The following NBAS variants were observed in gnomAD, a reference collection of about 807,000 sequenced individuals.
NBAS encodes the protein NBAS subunit of NRZ tethering complex.
A neutral mutation model predicts 302.5 loss-of-function variants in NBAS; 219 were observed. The ratio of observed to expected loss-of-function variants is 0.72; its 90% CI spans 0.65 to 0.81. The LOEUF (loss-of-function observed/expected upper bound fraction) is 0.81. Among genes scored for constraint, NBAS ranks in the 30% least tolerant of loss-of-function variants. NBAS has a pLI of 0.00. For synonymous variants in NBAS, 1,118 were observed against 1,021.6 expected, an observed-to-expected ratio of 1.09 and a Z score of -1.80; for missense variants, 2,932 against 2,841.6, an observed-to-expected ratio of 1.03 and a Z score of -0.72.
At chr2:14,868,295 G>A in the NBAS span, among the ~76,000 whole-genome samples, 9 of 152,028 alleles carry the variant, frequency 5.9e-5, no homozygotes, top group East Asian at 1.9e-4. Context: ...TTGCTGCTTC[G>A]GGGCACCTTG....
At chr2:15,352,622 G>A (rs536226127) in intron 34 of NBAS, among the ~76,000 whole-genome samples, 5 of 152,210 alleles carry the variant, frequency 3.3e-5, no homozygotes, top group African/African-American at 7.2e-5. Flanking sequence ...TTGTGCACAC[G>A]TGCAATGGCC....
the NBAS span, among the ~76,000 whole-genome samples, chr2:15,092,256 C>T: frequency 6.6e-6 from 1 of 152,082 alleles, no homozygotes; most frequent in Non-Finnish European, 1.5e-5. Context: ...ATAGGAACAC[C>T]CAGTTTCCAT....
chr2:15,457,389 C>T (rs1679294754), intron 21 of NBAS, among the ~76,000 whole-genome samples: 1 of 152,182 alleles, frequency 6.6e-6, no homozygotes, highest in African/African-American at 2.4e-5. Context: ...GAATAAGGCA[C>T]ACACATGGAA....
chr2:15,445,015 G>A (rs1388045311), intron 21 of NBAS, among the ~76,000 whole-genome samples: 1 of 150,524 alleles, frequency 6.6e-6, no homozygotes, highest in African/African-American at 2.4e-5. Context: ...ACAGGTGCTG[G>A]AGAGGAGGTG....
At chr2:14,862,348 ACCTCGTGATCCACCTG>A in the NBAS span, among the ~76,000 whole-genome samples, 2 of 151,976 alleles carry the variant, frequency 1.3e-5, no homozygotes, top group African/African-American at 4.8e-5. Flanking sequence ...CGAACTCCTG[ACCTCGTGATCCACCTG>A]CCTCAACCTC....
intron 47 of NBAS, among the ~76,000 whole-genome samples, chr2:15,224,938 C>T (rs183607667): frequency 1.3e-5 from 2 of 152,076 alleles, no homozygotes; most frequent in Non-Finnish European, 2.9e-5. Flanking sequence ...ATGAAACAAT[C>T]GGGGAACTGG....
intron 38 of NBAS, among the ~76,000 whole-genome samples, chr2:15,312,160 G>A (rs1056634185): frequency 9.9e-5 from 15 of 152,190 alleles, no homozygotes; most frequent in South Asian, 2.1e-4. Flanking sequence ...CTCTGTGTGC[G>A]TCACCAGATC....
At chr2:14,819,408 T>C in the NBAS span, among the ~76,000 whole-genome samples, 1 of 152,232 alleles carries the variant, frequency 6.6e-6, no homozygotes, top group East Asian at 1.9e-4. Context: ...CAGTTGACTC[T>C]TTTATGTAAC....
intron 26 of NBAS, among the ~76,000 whole-genome samples, chr2:15,398,222 C>A (rs1196997395): frequency 6.6e-6 from 1 of 152,082 alleles, no homozygotes; most frequent in Non-Finnish European, 1.5e-5. Flanking sequence ...TGGCTCACTG[C>A]AACCTCTGTG....
the NBAS span, among the ~76,000 whole-genome samples, chr2:15,093,999 A>G: frequency 6.6e-6 from 1 of 152,224 alleles, no homozygotes; most frequent in African/African-American, 2.4e-5. Flanking sequence ...GTTTCTTGTT[A>G]CTAAGAGACT....
chr2:15,181,076 C>A (rs1208936664), intron 50 of NBAS, among the ~76,000 whole-genome samples: 1 of 152,164 alleles, frequency 6.6e-6, no homozygotes, highest in African/African-American at 2.4e-5. Context: ...TGCTTTTGGG[C>A]AAGAATATTG....
the NBAS span, among the ~76,000 whole-genome samples, chr2:14,996,052 C>G: frequency 1.3e-5 from 2 of 152,094 alleles, no homozygotes; most frequent in Admixed American, 1.3e-4. Context: ...GGTGACGTCC[C>G]TGTTGTCTTC....
At position 15,348,559 on chromosome 2, in the gene NBAS, A is replaced by C. The variant is rs114357405; in HGVS notation, c.4179+3433T>G. 7.8e-3 allele frequency among the ~76,000 whole-genome samples: 1,195 copies of C among 152,276 alleles called. 12 individuals carry two copies. The highest frequency in any genetic ancestry group is 0.027 in the African/African-American group (1,131 of 41,540). On this transcript the variant is annotated intron_variant, in intron 35 of 51. Transcript: ENST00000281513. ...TTTGGAAAGAACAAGCGGGTTCCAA[A>C]TAATTCATAAAGCTGAGCTTAGCAA...
At chr2:15,284,896 A>G (rs1669970736) in intron 42 of NBAS, among the ~76,000 whole-genome samples, 1 of 152,234 alleles carries the variant, frequency 6.6e-6, no homozygotes, top group Non-Finnish European at 1.5e-5. Flanking sequence ...GTGCATCTGC[A>G]TAATCACAGT....
At chr2:15,261,104 CA>C (rs1180598848) in intron 44 of NBAS, among the ~76,000 whole-genome samples, 3 of 152,282 alleles carry the variant, frequency 2.0e-5, no homozygotes, top group Non-Finnish European at 2.9e-5. Context: ...AAAGAGACAT[CA>C]AATTATCTCA....
At chr2:14,989,287 A>ATGTGTGTGTGTGTG in the NBAS span, among the ~76,000 whole-genome samples, 638 of 70,980 alleles carry the variant, frequency 9.0e-3, 5 homozygotes, top group Admixed American at 0.014. Context: ...TAGTAGATGT[A>ATGTGTGTGTGTGTG]TGTGTATGTG....
Position 15,309,067 on chromosome 2 carries a change from A to G in NBAS, c.4659+104T>C, listed in dbSNP as rs1017373383. 13 of 597,250 alleles carry G rather than the reference A, an allele frequency of 2.2e-5. No homozygotes were observed. In the African/African-American group the frequency reaches 2.5e-4, roughly 12 times the overall value. The allele number at this position is 597,250 out of a possible 1,614,324, so 37.0% of individuals were successfully genotyped here. On this transcript the variant is annotated intron_variant, in intron 39 of 51. Coordinates refer to ENST00000281513, the MANE Select transcript of NBAS (RefSeq NM_015909.4). ...TAAATAAATAAAAGAAAAAAAAGAA[A>G]CAGGAGGAAATGGCATGCAATAAAC...
At chr2:15,355,380 G>A (rs962967036) in intron 33 of NBAS, among the ~76,000 whole-genome samples, 2 of 152,132 alleles carry the variant, frequency 1.3e-5, no homozygotes, top group East Asian at 1.9e-4. Flanking sequence ...TGTTCTTTAC[G>A]TGAGAAATTA....
the NBAS span, among the ~76,000 whole-genome samples, chr2:14,790,767 C>T: frequency 6.6e-6 from 1 of 151,676 alleles, no homozygotes; most frequent in Non-Finnish European, 1.5e-5. Flanking sequence ...TTCTCCTGCC[C>T]CAGCCTACTG....
Sources: gnomAD v4.1 joint callset for allele counts (sites outside exome capture counted in the v4.1 genomes callset) on GRCh38, gnomAD v4.1.1 for gene constraint, MANE v1.5 for transcripts, NCBI Gene and HGNC (gene_info 2026-07-23, HGNC 2026-07-21) for gene names.